The following TMEM117 variants were observed in gnomAD, a reference collection of about 807,000 sequenced individuals.
The protein encoded by TMEM117 is transmembrane protein 117.
A neutral mutation model predicts 52.4 loss-of-function variants in TMEM117; 27 were observed. The observed-to-expected ratio is 0.51, with a 90% CI of 0.38 to 0.71. The LOEUF is 0.71. Ranked by LOEUF, TMEM117 falls within the 30% of genes least tolerant of loss-of-function variation. TMEM117 has a pLI of 0.00. For missense variants in TMEM117, 556 were observed against 630.5 expected (o/e 0.88, Z 1.26); for synonymous variants, 215 against 206.3 (o/e 1.04, Z -0.36).
At chr12:43,854,692 G>T (rs1943369339) in intron 2 of TMEM117, among the ~76,000 whole-genome samples, 1 of 151,908 alleles carries the variant, frequency 6.6e-6, no homozygotes, top group Non-Finnish European at 1.5e-5. Context: ...GCTGGAGTGT[G>T]GTGGCGTGAT....
chr12:43,805,862 C>T, the TMEM117 span: 3 of 1,423,578 alleles, frequency 2.1e-6, no homozygotes, highest in African/African-American at 1.4e-5. Context: ...AAGCCCCAGT[C>T]GCCTCCACTG....
intron 3 of TMEM117, among the ~76,000 whole-genome samples, chr12:44,139,492 C>T (rs111744500): frequency 4.0e-4 from 60 of 151,434 alleles, no homozygotes; most frequent in South Asian, 2.1e-4. Context: ...GAAATCTCCA[C>T]GTTTGTTATG....
intron 2 of TMEM117, among the ~76,000 whole-genome samples, chr12:43,891,482 C>T (rs1429461586): frequency 1.4e-5 from 2 of 145,798 alleles, no homozygotes; most frequent in Admixed American, 7.2e-5. Context: ...ATGCCATTCT[C>T]CTGCCTCAGC....
chr12:43,882,584 T>C (rs1219003782), intron 2 of TMEM117, among the ~76,000 whole-genome samples: 1 of 152,192 alleles, frequency 6.6e-6, no homozygotes, highest in African/African-American at 2.4e-5. Flanking sequence ...AGCACTACTT[T>C]CTGTTGTCTC....
intron 3 of TMEM117, among the ~76,000 whole-genome samples, chr12:44,011,815 T>C (rs1164923720): frequency 3.9e-5 from 6 of 152,184 alleles, no homozygotes; most frequent in Admixed American, 3.3e-4. Context: ...TATGGTGTTA[T>C]ACCAAACTTC....
At chr12:44,341,816 C>T (rs1213027572) in intron 6 of TMEM117, among the ~76,000 whole-genome samples, 2 of 152,102 alleles carry the variant, frequency 1.3e-5, no homozygotes, top group Admixed American at 1.3e-4. Context: ...AGTCAGTAAA[C>T]ATATTAGCCA....
intron 5 of TMEM117, among the ~76,000 whole-genome samples, chr12:44,234,854 A>G (rs1297341766): frequency 6.6e-6 from 1 of 151,516 alleles, no homozygotes; most frequent in Non-Finnish European, 1.5e-5. Flanking sequence ...GACATACTTT[A>G]TATCTCTTTA....
At chr12:44,287,322 C>T (rs1400197053) in intron 5 of TMEM117, among the ~76,000 whole-genome samples, 1 of 152,160 alleles carries the variant, frequency 6.6e-6, no homozygotes, top group Non-Finnish European at 1.5e-5. Flanking sequence ...GATGAGCCAG[C>T]GTGTCTTGCT....
intron 4 of TMEM117, among the ~76,000 whole-genome samples, chr12:44,201,998 ATATC>A (rs1399726423): frequency 6.6e-6 from 1 of 151,916 alleles, no homozygotes; most frequent in African/African-American, 2.4e-5. Context: ...ATCTTTATAT[ATATC>A]ATCTTTATAT....
At chr12:44,290,833 G>T (rs1950694789) in intron 5 of TMEM117, among the ~76,000 whole-genome samples, 1 of 151,980 alleles carries the variant, frequency 6.6e-6, no homozygotes, top group African/African-American at 2.4e-5. Context: ...TAAAAGCGAG[G>T]TCTCACTATG....
At chr12:44,266,275 C>T (rs867891746) in intron 5 of TMEM117, among the ~76,000 whole-genome samples, 30 of 152,258 alleles carry the variant, frequency 2.0e-4, no homozygotes, top group Middle Eastern at 3.4e-3. Context: ...TAATTGTTCT[C>T]TATCCTCTTA....
At chr12:44,115,274 C>G (rs1051432072) in intron 3 of TMEM117, among the ~76,000 whole-genome samples, 7 of 152,008 alleles carry the variant, frequency 4.6e-5, no homozygotes, top group African/African-American at 1.4e-4. Context: ...CACTTGGACA[C>G]AGGAAGGGGA....
chr12:44,393,653 G>T (rs1471302403), downstream of TMEM117, among the ~76,000 whole-genome samples: 1 of 152,018 alleles, frequency 6.6e-6, no homozygotes, highest in Non-Finnish European at 1.5e-5. Flanking sequence ...GTATCAAATG[G>T]GATCTTTGGT....
intron 2 of TMEM117, among the ~76,000 whole-genome samples, chr12:43,929,811 ATTTC>A (rs1944842814): frequency 6.6e-6 from 1 of 151,996 alleles, no homozygotes; most frequent in Non-Finnish European, 1.5e-5. Flanking sequence ...CTTTTTATAT[ATTTC>A]TTTGAACATG....
At chr12:43,798,787 A>G in the TMEM117 span, among the ~76,000 whole-genome samples, 2 of 152,204 alleles carry the variant, frequency 1.3e-5, no homozygotes, top group East Asian at 3.9e-4. Context: ...CAGCTAATGA[A>G]TAGTGGTTTC....
the TMEM117 span, chr12:43,797,132 T>C: frequency 6.5e-7 from 1 of 1,546,134 alleles, no homozygotes; most frequent in Non-Finnish European, 8.8e-7. Flanking sequence ...ATAATTAGCA[T>C]ATCAATACAT....
At chr12:43,869,057 G>A (rs961751086) in intron 2 of TMEM117, among the ~76,000 whole-genome samples, 1 of 152,064 alleles carries the variant, frequency 6.6e-6, no homozygotes, top group African/African-American at 2.4e-5. Flanking sequence ...GGGAATGCCA[G>A]TTTATGCCAA....
At chr12:44,392,347 T>G (rs1456893077), downstream of TMEM117, among the ~76,000 whole-genome samples, 1 of 152,072 alleles carries the variant, frequency 6.6e-6, no homozygotes, top group Non-Finnish European at 1.5e-5. Context: ...TAAACAGGCT[T>G]TAAAACTGCA....
At chr12:43,825,349 G>A in the TMEM117 span, among the ~76,000 whole-genome samples, 7 of 152,152 alleles carry the variant, frequency 4.6e-5, no homozygotes, top group Non-Finnish European at 8.8e-5. Context: ...GACCCCAAGC[G>A]CTGGATTATC....
Sources: gnomAD v4.1 joint callset for allele counts (sites outside exome capture counted in the v4.1 genomes callset) on GRCh38, gnomAD v4.1.1 for gene constraint, MANE v1.5 for transcripts, NCBI Gene and HGNC (gene_info 2026-07-23, HGNC 2026-07-21) for gene names.